Variants in NARS2 observed in about 807,000 individuals in gnomAD.
NARS2 encodes the protein asparaginyl-tRNA synthetase 2, mitochondrial, also known as asparaginyl-tRNA synthetase.
Under a neutral mutation model 62.9 loss-of-function variants are expected in NARS2, and 60 were observed. The ratio of observed to expected loss-of-function variants is 0.95; its 90% CI spans 0.77 to 1.18. NARS2 has a LOEUF of 1.18. Ranked by LOEUF, NARS2 falls within the 50% of genes most tolerant of loss-of-function variation. The pLI, the probability that NARS2 is intolerant of heterozygous loss-of-function variation, is 0.00. For missense variants in NARS2, 619 were observed against 576.4 expected (o/e 1.07, Z -0.76); for synonymous variants, 196 against 200.0 (o/e 0.98, Z 0.17).
intron 5 of NARS2, among the ~76,000 whole-genome samples, chr11:78,543,002 C>T (rs1487814889): frequency 1.3e-5 from 2 of 152,262 alleles, no homozygotes; most frequent in African/African-American, 4.8e-5. Context: ...TTGCCCTTTA[C>T]CTCTGGCTGT....
intron 10 of NARS2, among the ~76,000 whole-genome samples, chr11:78,467,799 A>G (rs1255716961): frequency 6.6e-6 from 1 of 152,092 alleles, no homozygotes; most frequent in Non-Finnish European, 1.5e-5. Context: ...TACACAATGT[A>G]TACATGTATC....
intron 6 of NARS2, among the ~76,000 whole-genome samples, chr11:78,507,426 T>C (rs1860543700): frequency 6.6e-6 from 1 of 151,512 alleles, no homozygotes; most frequent in Admixed American, 6.6e-5. Context: ...TCCAAAAGAA[T>C]AAATAAAAAC....
intron 7 of NARS2, among the ~76,000 whole-genome samples, chr11:78,481,032 G>C (rs1859331353): frequency 6.6e-6 from 1 of 151,984 alleles, no homozygotes; most frequent in Admixed American, 6.6e-5. Context: ...TGTTGGCCAG[G>C]CTGGTCTCTA....
At chr11:78,485,632 C>T (rs1859540057) in intron 7 of NARS2, among the ~76,000 whole-genome samples, 1 of 152,156 alleles carries the variant, frequency 6.6e-6, no homozygotes, top group South Asian at 2.1e-4. Context: ...AAAGCTCCTA[C>T]TACTAGTCTG....
intron 10 of NARS2, among the ~76,000 whole-genome samples, chr11:78,466,722 C>G (rs2135216624): frequency 6.6e-6 from 1 of 152,248 alleles, no homozygotes; most frequent in Middle Eastern, 3.4e-3. Flanking sequence ...ATTTCGTGAT[C>G]TGCCCACCTT....
rs145727516 is a variant in NARS2, at chr11:78,441,029, C to T, written c.1289+62G>A. The T allele has an allele frequency of 9.3e-5, 139 of 1,489,996 alleles. No individual in the cohort carries two copies. In the African/African-American group the frequency reaches 1.7e-3, roughly 18 times the overall value. The allele number at this position is 1,489,996 out of a possible 1,614,324, so 92.3% of individuals were successfully genotyped here. On this transcript the variant is annotated intron_variant, in intron 13 of 13. Coordinates refer to ENST00000281038, the MANE Select transcript of NARS2 (RefSeq NM_024678.6). ...GGGGTCTTGGGGATACAAGTAAAAA[C>T]GCTTCTAGGCAACAGTCAGACAAGC...
intron 1 of NARS2, among the ~76,000 whole-genome samples, chr11:78,571,982 G>A (rs1039620389): frequency 6.6e-6 from 1 of 152,170 alleles, no homozygotes; most frequent in Non-Finnish European, 1.5e-5. Flanking sequence ...GGGAGTTTGA[G>A]ACCAGCCTGG....
chr11:78,521,789 C>G (rs79232641), intron 6 of NARS2, among the ~76,000 whole-genome samples: 1 of 96,418 alleles, frequency 1.0e-5, no homozygotes, highest in African/African-American at 4.7e-5. Flanking sequence ...GACTCCGTCT[C>G]AAAAAAAAAA....
intron 9 of NARS2, among the ~76,000 whole-genome samples, chr11:78,470,125 G>A (rs1815271168): frequency 6.6e-6 from 1 of 152,142 alleles, no homozygotes; most frequent in Admixed American, 6.6e-5. Flanking sequence ...CATAGGAAAG[G>A]CAGTCAGAAG....
chr11:78,546,999 A>G (rs1035102204), intron 5 of NARS2, among the ~76,000 whole-genome samples: 3 of 152,258 alleles, frequency 2.0e-5, no homozygotes, highest in African/African-American at 7.2e-5. Flanking sequence ...TTATTCTGCT[A>G]CGATTTCACG....
At chr11:78,482,128 A>G (rs1859380643) in intron 7 of NARS2, among the ~76,000 whole-genome samples, 1 of 152,192 alleles carries the variant, frequency 6.6e-6, no homozygotes, top group Non-Finnish European at 1.5e-5. Flanking sequence ...GAGAGTCAAA[A>G]GAAATATTAA....
In NARS2 at chr11:78,445,343, G is replaced by A. The variant is rs1290629973; in HGVS notation, c.1165-1585C>T. Among the ~76,000 whole-genome samples the A allele has an allele frequency of 3.3e-5, 5 of 152,108 alleles. No individual in the cohort carries two copies. In the South Asian group the frequency reaches 6.2e-4, roughly 19 times the overall value. On this transcript the variant is annotated intron_variant, in intron 11 of 13. Coordinates refer to ENST00000281038, the MANE Select transcript of NARS2 (RefSeq NM_024678.6). ...TTAGTAATATTTAATTTTTCAGGCC[G>A]GGTGCGGTGGCTTACGCCTGTAATC...
At chr11:78,443,322 G>A (rs1458297198) in intron 12 of NARS2, among the ~76,000 whole-genome samples, 6 of 130,316 alleles carry the variant, frequency 4.6e-5, no homozygotes, top group East Asian at 2.0e-4. Flanking sequence ...GCAAGACTCC[G>A]TCTCAAAAAA....
chr11:78,532,871 A>G (rs1861530118), intron 5 of NARS2, among the ~76,000 whole-genome samples: 1 of 152,228 alleles, frequency 6.6e-6, no homozygotes, highest in Non-Finnish European at 1.5e-5. Context: ...ATAAATCAGC[A>G]TTGTATTAAA....
At chr11:78,511,712 G>A (rs565923242) in intron 6 of NARS2, among the ~76,000 whole-genome samples, 299 of 117,232 alleles carry the variant, frequency 2.6e-3, no homozygotes, top group Non-Finnish European at 4.6e-3. Context: ...GCGAGACTCC[G>A]TCTCCAAAGA....
chr11:78,490,461 A>G (rs1284571245), intron 7 of NARS2, among the ~76,000 whole-genome samples: 1 of 152,200 alleles, frequency 6.6e-6, no homozygotes, highest in Non-Finnish European at 1.5e-5. Flanking sequence ...TTAAGAAACT[A>G]GCCTAAAAAT....
rs558909048 is a variant in NARS2 at position 78,565,605 on chromosome 11, G to C, written c.513+527C>G. On this transcript the variant is annotated intron_variant, in intron 4 of 13. Coordinates refer to ENST00000281038, the MANE Select transcript of NARS2 (RefSeq NM_024678.6). ...AGTTCATACGCTAGAATATCAGAGA[G>C]AGAGCTGCAGAGGGCCACCTTGCAG... 2.0e-5 allele frequency among the ~76,000 whole-genome samples: 3 copies of C among 152,346 alleles called. No individual in the cohort carries two copies. The South Asian group carries it at 6.2e-4, about 32-fold the overall frequency.
chr11:78,520,290 A>G (rs1241823110), intron 6 of NARS2, among the ~76,000 whole-genome samples: 1 of 152,162 alleles, frequency 6.6e-6, no homozygotes, highest in Non-Finnish European at 1.5e-5. Context: ...GGTGGCTCTC[A>G]GCAATCCTAG....
intron 11 of NARS2, among the ~76,000 whole-genome samples, chr11:78,464,563 C>A (rs1477834823): frequency 6.6e-6 from 1 of 152,114 alleles, no homozygotes; most frequent in Non-Finnish European, 1.5e-5. Context: ...TTCTCCAAGT[C>A]CCCACCAGAG....
Sources: gnomAD v4.1 joint callset for allele counts (sites outside exome capture counted in the v4.1 genomes callset) on GRCh38, gnomAD v4.1.1 for gene constraint, MANE v1.5 for transcripts, NCBI Gene and HGNC (gene_info 2026-07-23, HGNC 2026-07-21) for gene names.